ZDHHC11: variants seen among roughly 807,000 people sequenced by gnomAD.
ZDHHC11 encodes the protein palmitoyltransferase ZDHHC11.
Under a neutral mutation model 51.3 loss-of-function variants are expected in ZDHHC11, and 44 were observed. The ratio of observed to expected loss-of-function variants is 0.86; its 90% confidence interval spans 0.67 to 1.10. The LOEUF is 1.10. Ranked by LOEUF, ZDHHC11 falls within the 50% of genes least tolerant of loss-of-function variation. The probability of loss-of-function intolerance (pLI) is 0.00; values close to 1 mark genes in which losing one functional copy is unlikely to be tolerated. For missense variants in ZDHHC11, 400 were observed against 537.7 expected (o/e 0.74, Z 2.53); for synonymous variants, 163 against 222.0 (o/e 0.73, Z 2.36).
rs990492667 is a variant in ZDHHC11, at chr5:850,364, C to G, written c.222+17G>C. 6.2e-7 allele frequency: 1 copy of G among 1,612,570 alleles called. No homozygotes were observed. The highest frequency in any genetic ancestry group is 1.7e-5 in the Admixed American group (1 of 59,892). ...GGAACCCCTCCCGCTTAGACCATGC[C>G]ACGATGAAAAGGATACCACGTAGGC... On this transcript the variant is annotated intron_variant, in intron 1 of 12. Transcript: ENST00000283441.
At chr5:811,270 A>C (rs1411882495) in intron 11 of ZDHHC11, among the ~76,000 whole-genome samples, 1 of 138,828 alleles carries the variant, frequency 7.2e-6, no homozygotes, top group African/African-American at 2.9e-5. Context: ...TTCAAAGTAA[A>C]ATCCAAAATA....
chr5:837,180 T>C (rs1161170328), intron 6 of ZDHHC11, among the ~76,000 whole-genome samples, 185 bp downstream of exon 6: 1 of 152,088 alleles, frequency 6.6e-6, no homozygotes, highest in Admixed American at 6.5e-5. Context: ...ATGACTGGTG[T>C]TTATGTTCAC....
chr5:859,179 C>CA (rs1247228411), upstream of ZDHHC11, among the ~76,000 whole-genome samples: 2 of 152,012 alleles, frequency 1.3e-5, no homozygotes, highest in African/African-American at 4.8e-5. Flanking sequence ...CAGCAAACTA[C>CA]AAAAAAACAG....
intron 11 of ZDHHC11, among the ~76,000 whole-genome samples, chr5:810,899 G>A (rs1481008187): frequency 1.3e-5 from 2 of 152,246 alleles, no homozygotes; most frequent in African/African-American, 2.4e-5. Context: ...CATCTTTAAC[G>A]CAACAATGTA....
Position 840,922 on chromosome 5 carries a change from C to T in ZDHHC11, c.629-272G>A, listed in dbSNP as rs1283804411. The T allele has an allele frequency of 5.0e-6, 7 of 1,405,966 alleles. No individual in the cohort carries two copies. The East Asian group carries it at 7.8e-5, about 16-fold the overall frequency. 87.1% of individuals were successfully genotyped at this position (1,405,966 alleles called of 1,614,324 possible). On this transcript the variant is annotated intron_variant, in intron 4 of 12. Coordinates refer to ENST00000283441, the MANE Select transcript of ZDHHC11 (RefSeq NM_024786.3). ...CCGGGGTCACAGTGCCCACCCCTTC[C>T]TAAGTGCTGGGGTCACAGCGCCCAC...
chr5:822,402 T>C (rs1741683850), intron 8 of ZDHHC11, among the ~76,000 whole-genome samples: 2 of 151,602 alleles, frequency 1.3e-5, no homozygotes, highest in African/African-American at 4.8e-5. Flanking sequence ...AGAAAATACA[T>C]TTCTTGTTGC....
At chr5:854,340 C>A (rs989841495), upstream of ZDHHC11, among the ~76,000 whole-genome samples, 6 of 147,452 alleles carry the variant, frequency 4.1e-5, no homozygotes, top group African/African-American at 1.5e-4. Context: ...CAGAGGACAG[C>A]GAGCCGTGGG....
intron 3 of ZDHHC11, among the ~76,000 whole-genome samples, chr5:846,096 C>T (rs1342362328): frequency 1.3e-5 from 2 of 150,504 alleles, no homozygotes; most frequent in Non-Finnish European, 3.0e-5. Flanking sequence ...AGCTGCTCTT[C>T]TCCAGGGGAG....
At chr5:817,649 G>A (rs1181560400) in intron 10 of ZDHHC11, among the ~76,000 whole-genome samples, 1 of 151,144 alleles carries the variant, frequency 6.6e-6, no homozygotes, top group African/African-American at 2.4e-5. Flanking sequence ...CTAAATATGA[G>A]GTCTCTGATG....
At chr5:835,433 T>G (rs985434087) in intron 6 of ZDHHC11, among the ~76,000 whole-genome samples, 2 of 151,820 alleles carry the variant, frequency 1.3e-5, no homozygotes, top group African/African-American at 4.8e-5. Flanking sequence ...TGCCACACTG[T>G]TTTTATTACT....
At chr5:851,776 C>G (rs556388593), upstream of ZDHHC11, among the ~76,000 whole-genome samples, 1 of 152,166 alleles carries the variant, frequency 6.6e-6, no homozygotes, top group African/African-American at 2.4e-5. Context: ...GGTTCTTTGG[C>G]CGGGCGCGGG....
rs1251743274 is a variant in ZDHHC11 at position 796,354 on chromosome 5, G to C, written c.*234C>G. 2 of 152,964 alleles carry C rather than the reference G, an allele frequency of 1.3e-5. No homozygotes were observed. Among genetic ancestry groups the C allele is most frequent in the Non-Finnish European group, 3.0e-5 (2 of 67,706 alleles). 9.5% of individuals were successfully genotyped at this position (152,964 alleles called of 1,614,324 possible). On this transcript the variant is annotated 3_prime_UTR_variant, in exon 13 of 13. Transcript: ENST00000283441. ...AGATGTAAACCCTCCTGCAAGGCTG[G>C]CTCTTCTTTGGGTGTGATGAAGATG...
At chr5:844,240 G>A (rs1408651579) in intron 3 of ZDHHC11, among the ~76,000 whole-genome samples, 2 of 152,270 alleles carry the variant, frequency 1.3e-5, no homozygotes, top group East Asian at 1.9e-4. Context: ...GAGAGGGGTG[G>A]CCGTGGGACA....
intron 10 of ZDHHC11, chr5:816,841 C>A: frequency 2.1e-6 from 1 of 475,802 alleles, no homozygotes; most frequent in Non-Finnish European, 4.1e-6. Flanking sequence ...CACCCTGAAG[C>A]TGACCTTCAT....
intron 11 of ZDHHC11, among the ~76,000 whole-genome samples, chr5:804,566 T>C (rs1401125704): frequency 2.0e-5 from 3 of 151,336 alleles, no homozygotes; most frequent in East Asian, 3.8e-4. Flanking sequence ...GTTAGATTGT[T>C]AAGGCATAGA....
chr5:813,154 T>C (rs1242478876), intron 11 of ZDHHC11, among the ~76,000 whole-genome samples: 3 of 142,968 alleles, frequency 2.1e-5, no homozygotes. Context: ...GTGGGCAACA[T>C]GGTGACACCC....
At chr5:811,714 T>C (rs1740114777) in intron 11 of ZDHHC11, among the ~76,000 whole-genome samples, 1 of 151,466 alleles carries the variant, frequency 6.6e-6, no homozygotes, top group African/African-American at 2.4e-5. Context: ...GTATATTTAA[T>C]ATAATTTTGC....
intron 1 of ZDHHC11, 33 bp downstream of exon 1, chr5:850,348 C>G (rs772009285): frequency 7.5e-6 from 12 of 1,604,440 alleles, no homozygotes; most frequent in African/African-American, 1.3e-5. Flanking sequence ...AGGAACCCCT[C>G]CCGCTTAGAC....
chr5:802,340 A>G (rs1408783917), intron 11 of ZDHHC11, among the ~76,000 whole-genome samples: 1 of 151,438 alleles, frequency 6.6e-6, no homozygotes, highest in African/African-American at 2.4e-5. Flanking sequence ...GAACTGGGGT[A>G]TCACCAAACG....
Sources: allele counts gnomAD v4.1 joint callset (sites outside exome capture counted in the v4.1 genomes callset), GRCh38; gene constraint gnomAD v4.1.1; transcripts MANE v1.5; gene names NCBI Gene and HGNC (gene_info 2026-07-23, HGNC 2026-07-21).